The following TPRG1 variants were observed in gnomAD, a reference collection of about 807,000 sequenced individuals.
TPRG1 encodes the protein tumor protein p63 regulated 1.
Under a neutral mutation model 29.3 loss-of-function variants are expected in TPRG1, and 29 were observed. That is an observed-to-expected ratio of 0.99 (90% confidence interval 0.74 to 1.35). The LOEUF (loss-of-function observed/expected upper bound fraction) is 1.35, where lower values mean the gene tolerates loss of function less well. TPRG1 is among the 40% of genes most tolerant of loss of function. The probability of loss-of-function intolerance (pLI) is 0.00; values close to 1 mark genes in which losing one functional copy is unlikely to be tolerated. For missense variants in TPRG1, 327 were observed against 335.0 expected (o/e 0.98, Z 0.19); for synonymous variants, 130 against 116.8 (o/e 1.11, Z -0.73).
intron 4 of TPRG1, among the ~76,000 whole-genome samples, chr3:189,244,258 C>T (rs1165357157): frequency 5.3e-5 from 8 of 151,876 alleles, no homozygotes; most frequent in Admixed American, 1.3e-4. Context: ...GGTGAAACCC[C>T]GTTTCTATTA....
intron 3 of TPRG1, among the ~76,000 whole-genome samples, chr3:189,007,791 G>T (rs848996): frequency 0.91 from 123,597 of 135,476 alleles, 57,481 homozygotes; most frequent in Non-Finnish European, 1. Context: ...GTAAACTATC[G>T]CAAGAACAAA....
At chr3:189,272,075 T>A (rs1205910227) in intron 4 of TPRG1, among the ~76,000 whole-genome samples, 1 of 152,224 alleles carries the variant, frequency 6.6e-6, no homozygotes, top group Non-Finnish European at 1.5e-5. Flanking sequence ...ACAGCACAGA[T>A]GTCCCACATG....
intron 4 of TPRG1, among the ~76,000 whole-genome samples, chr3:189,294,720 T>A (rs943392570): frequency 6.6e-6 from 1 of 152,192 alleles, no homozygotes; most frequent in Non-Finnish European, 1.5e-5. Flanking sequence ...AAGATTTCTA[T>A]AATATTTGAA....
intron 4 of TPRG1, among the ~76,000 whole-genome samples, chr3:189,272,374 G>A (rs1306576748): frequency 6.6e-6 from 1 of 152,204 alleles, no homozygotes; most frequent in African/African-American, 2.4e-5. Flanking sequence ...TTCTAGATGA[G>A]TTTCCTTTTG....
At chr3:189,213,288 G>A (rs1735555569) in intron 2 of TPRG1, among the ~76,000 whole-genome samples, 1 of 152,126 alleles carries the variant, frequency 6.6e-6, no homozygotes, top group South Asian at 2.1e-4. Flanking sequence ...TGACAAAATG[G>A]TGTATAATGG....
chr3:189,028,935 A>G (rs916800712), intron 4 of TPRG1, among the ~76,000 whole-genome samples: 2 of 152,164 alleles, frequency 1.3e-5, no homozygotes, highest in African/African-American at 4.8e-5. Context: ...GTCTCGAAAT[A>G]AAGGAGCAAG....
chr3:189,006,139 G>C (rs935306189), intron 3 of TPRG1, among the ~76,000 whole-genome samples: 1 of 151,990 alleles, frequency 6.6e-6, no homozygotes, highest in African/African-American at 2.4e-5. Context: ...TTTGAATATA[G>C]CTGTTTCTCA....
chr3:189,090,520 T>A (rs1718271850), intron 4 of TPRG1, among the ~76,000 whole-genome samples: 1 of 152,078 alleles, frequency 6.6e-6, no homozygotes, highest in African/African-American at 2.4e-5. Flanking sequence ...ATTTCATTGT[T>A]TTTGCTTTAT....
chr3:189,241,125 G>A (rs1056958696), intron 4 of TPRG1, among the ~76,000 whole-genome samples: 6 of 152,094 alleles, frequency 3.9e-5, no homozygotes, highest in Non-Finnish European at 8.8e-5. Flanking sequence ...TTCTAGAAGT[G>A]GAATTTTTAG....
chr3:189,012,994 G>C (rs753623105), intron 3 of TPRG1, among the ~76,000 whole-genome samples: 2 of 152,096 alleles, frequency 1.3e-5, no homozygotes, highest in Non-Finnish European at 2.9e-5. Context: ...GAAGGAGATA[G>C]AAATATCTTT....
At chr3:189,062,249 A>G (rs973191108) in intron 4 of TPRG1, among the ~76,000 whole-genome samples, 4 of 152,160 alleles carry the variant, frequency 2.6e-5, no homozygotes, top group Non-Finnish European at 4.4e-5. Flanking sequence ...GGACCTGTGA[A>G]CACAAAGAAG....
chr3:189,307,949 T>A (rs1449801610), intron 4 of TPRG1, among the ~76,000 whole-genome samples: 1 of 152,174 alleles, frequency 6.6e-6, no homozygotes, highest in East Asian at 1.9e-4. Flanking sequence ...GTAGAGGACT[T>A]GTTCTGCTCA....
At chr3:189,269,658 A>C (rs1714741540) in intron 4 of TPRG1, among the ~76,000 whole-genome samples, 3 of 152,216 alleles carry the variant, frequency 2.0e-5, no homozygotes, top group Admixed American at 2.0e-4. Flanking sequence ...AGATGCTATA[A>C]ATATAATTCA....
chr3:189,079,693 C>T (rs891224247), intron 4 of TPRG1, among the ~76,000 whole-genome samples: 2 of 152,168 alleles, frequency 1.3e-5, no homozygotes, highest in African/African-American at 4.8e-5. Flanking sequence ...CTGCACTCCC[C>T]ATATCCCAGT....
At chr3:189,139,343 G>A (rs757348660) in intron 3 of TPRG1, among the ~76,000 whole-genome samples, 4 of 152,276 alleles carry the variant, frequency 2.6e-5, no homozygotes, top group South Asian at 4.1e-4. Flanking sequence ...GAGCTGACCC[G>A]GATCCAGCCC....
intron 4 of TPRG1, among the ~76,000 whole-genome samples, chr3:189,292,772 C>A (rs1215906044): frequency 6.6e-6 from 1 of 152,180 alleles, no homozygotes; most frequent in African/African-American, 2.4e-5. Flanking sequence ...TCCCACACAT[C>A]CCTTAGTGAC....
upstream of TPRG1, among the ~76,000 whole-genome samples, chr3:189,168,519 T>G (rs1728422818): frequency 6.6e-6 from 1 of 152,190 alleles, no homozygotes; most frequent in Admixed American, 6.5e-5. Context: ...GGCATTGTAC[T>G]GTGCTAGATT....
chr3:189,010,118 A>G (rs572566744), intron 3 of TPRG1, among the ~76,000 whole-genome samples: 11 of 152,204 alleles, frequency 7.2e-5, no homozygotes, highest in Non-Finnish European at 1.6e-4. Flanking sequence ...TGCAAAGGAC[A>G]TGATCTTCTT....
intron 1 of TPRG1, among the ~76,000 whole-genome samples, chr3:189,107,360 G>A (rs755808745): frequency 6.6e-6 from 1 of 152,104 alleles, no homozygotes; most frequent in African/African-American, 2.4e-5. Context: ...AGAGAAATTA[G>A]TCAAAATTAA....
Sources: allele counts gnomAD v4.1 joint callset (sites outside exome capture counted in the v4.1 genomes callset), GRCh38; gene constraint gnomAD v4.1.1; transcripts MANE v1.5; gene names NCBI Gene and HGNC (gene_info 2026-07-23, HGNC 2026-07-21).